Variants in PSMD2 observed in about 807,000 individuals in gnomAD.
The protein encoded by PSMD2 is 26S proteasome non-ATPase regulatory subunit 2.
In PSMD2, 8 loss-of-function variants were observed where a neutral mutation model predicts 101.5. That is an observed-to-expected ratio of 0.08 (90% CI 0.05 to 0.14). The LOEUF is 0.14. Among genes scored for constraint, PSMD2 ranks in the 10% least tolerant of loss-of-function variants. The pLI is 1.00. For synonymous variants in PSMD2, 418 were observed against 433.8 expected (o/e 0.96, Z 0.45); for missense variants, 784 against 1,147.4 (o/e 0.68, Z 4.58).
At chr3:184,307,771 A>T (rs1721883219) in intron 18 of PSMD2, 63 bp downstream of exon 18, 2 of 1,604,172 alleles carry the variant, frequency 1.2e-6, no homozygotes, top group South Asian at 2.2e-5. Flanking sequence ...GGAAGGAGGA[A>T]CATGGAGTGT....
At chr3:184,303,920 A>G in intron 10 of PSMD2, 27 bp from the exon 11 acceptor site, 1 of 1,614,214 alleles carries the variant, frequency 6.2e-7, no homozygotes, top group Non-Finnish European at 8.5e-7. Flanking sequence ...GAGTATCCTG[A>G]GTGAAGAATC....
At position 184,308,345 on chromosome 3, in the gene PSMD2, T is replaced by A; in HGVS notation, c.2426-104T>A. On this transcript the variant is annotated intron_variant, in intron 19 of 20. Transcript: ENST00000310118. This position sits in a 1 kb window ranked among gnomAD's most constrained non-coding sequence, Gnocchi z 6.0. ...GAGGGGAGGAGTGTGGATTCAGTCG[T>A]ATGACTGACGGGTTAAAGGGTCAGC... 1 of 963,296 alleles carries A rather than the reference T, an allele frequency of 1.0e-6. No individual in the cohort carries two copies. Among genetic ancestry groups the A allele is most frequent in the Non-Finnish European group, 1.6e-6 (1 of 639,176 alleles). The allele number at this position is 963,296 out of a possible 1,614,324, so 59.7% of individuals were successfully genotyped here. A position where few individuals can be genotyped will look rare whatever the true frequency, so the allele number is the denominator to read the frequency against.
chr3:184,300,030 G>T, intron 2 of PSMD2, 123 bp downstream of exon 2: 2 of 994,102 alleles, frequency 2.0e-6, no homozygotes, highest in South Asian at 1.4e-5. Context: ...TGATGATGTT[G>T]GGAGGCAGGA....
chr3:184,304,274 T>C lies in PSMD2; in HGVS notation c.1452-30T>C. ...TTCTTGCTGCATCGTTGGGTATGTG[T>C]TGGGGACCGCCTTTCCATGGCTTTT... On this transcript the variant is annotated intron_variant, in intron 11 of 20. Coordinates refer to ENST00000310118, the MANE Select transcript of PSMD2 (RefSeq NM_002808.5). This position sits in a 1 kb window ranked among gnomAD's most constrained non-coding sequence, Gnocchi z 4.1. The C allele has an allele frequency of 6.2e-7, 1 of 1,608,210 alleles. No individual in the cohort carries two copies.
Position 184,301,551 on chromosome 3 carries a change from C to T in PSMD2, c.372C>T (p.Asp124=), listed in dbSNP as rs150141246. ...TTTCTTTATAGCGTTTTGCTGCTGA[C>T]ATCATCTCCGTTTTGGCCATGACCA... The part of the protein sequence containing the change: ...APGENKRFAA[D]IISVLAMTMS... The change falls in exon 4 of 21, where the codon GAC becomes GAT. Residue 124 remains aspartate, a synonymous_variant. Transcript: ENST00000310118. 1.2e-4 allele frequency: 199 copies of T among 1,613,754 alleles called. No individual in the cohort carries two copies. Among genetic ancestry groups the T allele is most frequent in the Non-Finnish European group, 1.6e-4 (186 of 1,179,920 alleles).
Position 184,306,166 on chromosome 3 carries a change from T to C in PSMD2, c.1804+11T>C, listed in dbSNP as rs1005408599. 6.2e-7 allele frequency: 1 copy of C among 1,613,942 alleles called. No homozygotes were observed. The highest frequency in any genetic ancestry group is 1.1e-5 in the South Asian group (1 of 91,080). On this transcript the variant is annotated intron_variant, in intron 14 of 20. Coordinates refer to ENST00000310118, the MANE Select transcript of PSMD2 (RefSeq NM_002808.5). ...TGTGTGCATATGCAGGTCTGTGTCT[T>C]TATGAGTCTGTCTTGTGCTTCCCCA...
In PSMD2 at chr3:184,306,390, T is replaced by G; in HGVS notation, c.1845T>G (p.Ile615Met). Residue 615 changes from isoleucine (I) to methionine (M), a missense_variant, in exon 15 of 21, where the codon ATT (isoleucine) becomes ATG (methionine). Around this residue, in one of 6 missense-constraint regions of PSMD2, gnomAD observed 282 missense variants for 437.6 expected, o/e 0.64. Transcript: ENST00000310118. ...NVLKVQQLLHICSEHFDSKEK... is the reference protein window; with the variant it reads ...NVLKVQQLLHMCSEHFDSKEK... ...TGAAGGTGCAGCAGCTGCTCCACAT[T>G]TGTAGCGAACACTTTGACTCCAAAG... The G allele has an allele frequency of 6.2e-7, 1 of 1,614,092 alleles. No individual in the cohort carries two copies. Among genetic ancestry groups the G allele is most frequent in the Non-Finnish European group, 8.5e-7 (1 of 1,180,028 alleles).
intron 3 of PSMD2, 43 bp downstream of exon 3, chr3:184,300,487 C>T: frequency 6.3e-7 from 1 of 1,593,288 alleles, no homozygotes; most frequent in South Asian, 1.1e-5. Context: ...TTTAGGAATT[C>T]CTTTTTACCC....
chr3:184,306,036 C>G lies in PSMD2; in HGVS notation c.1703-18C>G. On this transcript the variant is annotated intron_variant, in intron 13 of 20. Coordinates refer to ENST00000310118, the MANE Select transcript of PSMD2 (RefSeq NM_002808.5). ...GATGGAGGCAAGTATCCTCTGACCC[C>G]TTGAATCTGTCCTGTAGGGAAGGGT... The G allele has an allele frequency of 6.2e-7, 1 of 1,614,120 alleles. No individual in the cohort carries two copies. Among genetic ancestry groups the G allele is most frequent in the Non-Finnish European group, 8.5e-7 (1 of 1,179,956 alleles).
At chr3:184,307,159 G>A (rs923296688) in intron 16 of PSMD2, among the ~76,000 whole-genome samples, 198 bp from the exon 17 acceptor site, 1 of 151,742 alleles carries the variant, frequency 6.6e-6, no homozygotes, top group African/African-American at 2.4e-5. Context: ...TGGCTAGGAT[G>A]GTCTCTATCT....
At position 184,304,238 on chromosome 3, in the gene PSMD2, C is replaced by G; in HGVS notation, c.1452-66C>G. The G allele has an allele frequency of 3.2e-6, 5 of 1,568,880 alleles. No homozygotes were observed. The highest frequency in any genetic ancestry group is 3.3e-4 in the Middle Eastern group (2 of 5,976). On this transcript the variant is annotated intron_variant, in intron 11 of 20. Transcript: ENST00000310118. This position sits in a 1 kb window ranked among gnomAD's most constrained non-coding sequence, Gnocchi z 4.1. ...AATGGTGAATGAATGACCGATTCTCCTTTTGTTCTTTTCTTGCTGCATCGT... is the reference window on the plus strand; with the variant it reads ...AATGGTGAATGAATGACCGATTCTCGTTTTGTTCTTTTCTTGCTGCATCGT...
In PSMD2 at chr3:184,299,377, G is replaced by A. The variant is rs1047052795; in HGVS notation, c.111G>A (p.Gly37=). 1.4e-5 allele frequency: 19 copies of A among 1,399,954 alleles called. No homozygotes were observed. In the Admixed American group the frequency reaches 1.9e-4, roughly 14 times the overall value. 86.7% of individuals were successfully genotyped at this position (1,399,954 alleles called of 1,614,324 possible). Residue 37 remains glycine, a synonymous_variant, in exon 1 of 21, where the codon GGG becomes GGA. Transcript: ENST00000310118. ...KPSGKERRDA[G]DKDKEQELSE... ...GCGGCAAGGAGCGGCGGGATGCCGG[G>A]GACAAGGACAAAGAACAGGAGCTGG...
rs1721881597 is a variant in PSMD2 at position 184,307,727 on chromosome 3, C to T, written c.2298+19C>T. ...GGCACAGGTAAAGAATAGAACTCCTCCACAGAGCGTGCCGGGGAAGTATCT... is the reference window on the plus strand; with the variant it reads ...GGCACAGGTAAAGAATAGAACTCCTTCACAGAGCGTGCCGGGGAAGTATCT... On this transcript the variant is annotated intron_variant, in intron 18 of 20. Coordinates refer to ENST00000310118, the MANE Select transcript of PSMD2 (RefSeq NM_002808.5). 1.2e-6 allele frequency: 2 copies of T among 1,611,834 alleles called. No homozygotes were observed. Among genetic ancestry groups the T allele is most frequent in the African/African-American group, 1.3e-5 (1 of 74,994 alleles).
Position 184,307,535 on chromosome 3 carries a change from C to T in PSMD2, c.2203+10C>T, listed in dbSNP as rs200769154. On this transcript the variant is annotated intron_variant, in intron 17 of 20. Transcript: ENST00000310118. The stretch of plus-strand genomic sequence containing the variant: ...GGCATGGTGGGCAGTGGTGAGTATC[C>T]GGCAGAAGAAGGTCATAAACAGATT... The T allele has an allele frequency of 4.2e-5, 68 of 1,614,096 alleles. No individual in the cohort carries two copies. The highest frequency in any genetic ancestry group is 1.6e-4 in the Middle Eastern group (1 of 6,062).
Position 184,308,100 on chromosome 3 carries a change from C to T in PSMD2, c.2425+84C>T. 6.5e-7 allele frequency: 1 copy of T among 1,549,432 alleles called. No individual in the cohort carries two copies. Among genetic ancestry groups the T allele is most frequent in the South Asian group, 1.2e-5 (1 of 85,068 alleles). ...CAGGGCCACTTTGATAATTTAGGTT[C>T]AAGACCCCAGTTTAGCTCTGTATCG... is the stretch of plus-strand genomic sequence containing the variant. On this transcript the variant is annotated intron_variant, in intron 19 of 20. Transcript: ENST00000310118. The surrounding 1 kb of genome is among the most constrained non-coding windows in gnomAD (Gnocchi z 6.0).
At chr3:184,307,301 A>G (rs1195234835) in intron 16 of PSMD2, 56 bp from the exon 17 acceptor site, 11 of 1,578,346 alleles carry the variant, frequency 7.0e-6, no homozygotes, top group African/African-American at 1.3e-5. Flanking sequence ...CACTCCTGTA[A>G]TGGAATTTGT....
intron 9 of PSMD2, 77 bp downstream of exon 9, chr3:184,303,543 G>A: frequency 3.1e-6 from 5 of 1,605,070 alleles, no homozygotes; most frequent in Non-Finnish European, 4.3e-6. Flanking sequence ...TAAGTTATCT[G>A]ACAAGGGATC....
rs1577159315 is a variant in PSMD2 at position 184,305,675 on chromosome 3, T to C, written c.1540-93T>C. ...TGAACTAATGTTATTAGGGAGAATATCTTGCAGTGGACTGTAGGAATAGGC... is the reference window on the plus strand; with the variant it reads ...TGAACTAATGTTATTAGGGAGAATACCTTGCAGTGGACTGTAGGAATAGGC... On this transcript the variant is annotated intron_variant, in intron 12 of 20. Coordinates refer to ENST00000310118, the MANE Select transcript of PSMD2 (RefSeq NM_002808.5). The C allele has an allele frequency of 3.5e-6, 4 of 1,130,098 alleles. No individual in the cohort carries two copies. The East Asian group carries it at 9.5e-5, about 27-fold the overall frequency. The allele number at this position is 1,130,098 out of a possible 1,614,324, so 70.0% of individuals were successfully genotyped here.
intron 7 of PSMD2, 27 bp from the exon 8 acceptor site, chr3:184,302,975 A>G (rs1282676347): frequency 2.5e-6 from 4 of 1,613,810 alleles, no homozygotes; most frequent in Non-Finnish European, 3.4e-6. Context: ...CTAGGGAAGC[A>G]ATTGTGACCC....
Sources: gnomAD v4.1 joint callset for allele counts (sites outside exome capture counted in the v4.1 genomes callset) on GRCh38, gnomAD v4.1.1 for gene constraint, gnomAD v4.1.1 regional missense constraint, Gnocchi (gnomAD v3.1) non-coding constraint, MANE v1.5 for transcripts, NCBI Gene and HGNC (gene_info 2026-07-23, HGNC 2026-07-21) for gene names.